Variants in ZKSCAN7 observed in about 807,000 individuals in gnomAD.
The protein encoded by ZKSCAN7 is zinc finger with KRAB and SCAN domains 7.
A neutral mutation model predicts 65.3 loss-of-function variants in ZKSCAN7; 38 were observed. The ratio of observed to expected loss-of-function variants is 0.58; its 90% CI spans 0.45 to 0.76. The LOEUF (loss-of-function observed/expected upper bound fraction) is 0.76. ZKSCAN7 is among the 30% of genes least tolerant of loss of function. ZKSCAN7 has a pLI of 0.00. For missense variants in ZKSCAN7, 815 were observed against 913.3 expected (o/e 0.89, Z 1.39); for synonymous variants, 321 against 321.0 (o/e 1.00, Z 0.00).
At chr3:44,581,467 C>G (rs1700086154) in intron 5 of ZKSCAN7, among the ~76,000 whole-genome samples, 1 of 152,194 alleles carries the variant, frequency 6.6e-6, no homozygotes, top group Admixed American at 6.5e-5. Flanking sequence ...AGATAAATCA[C>G]ACGGGTTAGA....
intron 3 of ZKSCAN7, among the ~76,000 whole-genome samples, chr3:44,566,718 G>GTAGCCTTGAAC (rs1282159751): frequency 6.6e-6 from 1 of 151,912 alleles, no homozygotes; most frequent in Non-Finnish European, 1.5e-5. Context: ...ATAGCTCACT[G>GTAGCCTTGAAC]TAGCCTTGAA....
intron 2 of ZKSCAN7, among the ~76,000 whole-genome samples, chr3:44,559,307 A>G (rs1699395503): frequency 6.6e-6 from 1 of 151,102 alleles, no homozygotes; most frequent in East Asian, 1.9e-4. Flanking sequence ...GTTCTTCCTA[A>G]TGAGTTTCAA....
intron 2 of ZKSCAN7, among the ~76,000 whole-genome samples, chr3:44,564,325 C>A (rs1699568514): frequency 6.6e-6 from 1 of 152,158 alleles, no homozygotes. Flanking sequence ...AGAAGTAGTA[C>A]ATATTGAAAA....
chr3:44,582,948 CTGAG>C (rs1700120389), intron 5 of ZKSCAN7: 13 of 416,700 alleles, frequency 3.1e-5, no homozygotes, highest in Non-Finnish European at 4.8e-5. Flanking sequence ...GTGTGTGTGA[CTGAG>C]TTTCACTCTT....
Position 44,571,958 on chromosome 3 carries a change from T to A in ZKSCAN7, c.*583T>A, listed in dbSNP as rs946165470. On this transcript the variant is annotated 3_prime_UTR_variant, in exon 6 of 6. Coordinates refer to ENST00000426540, the MANE Select transcript of ZKSCAN7 (RefSeq NM_001288590.2). Reference sequence around the variant, plus strand: ...AAGTACTTTTTTATTTTTCTTCAACTTCTCTTGATTTGACCTCAGTGCTTT... The same window carrying A: ...AAGTACTTTTTTATTTTTCTTCAACATCTCTTGATTTGACCTCAGTGCTTT... The A allele has an allele frequency of 3.6e-5, 36 of 986,594 alleles. No homozygotes were observed. The highest frequency in any genetic ancestry group is 4.1e-5 in the Non-Finnish European group (34 of 830,754). 61.1% of individuals were successfully genotyped at this position (986,594 alleles called of 1,614,324 possible).
chr3:44,567,886 A>G (rs1699680485), intron 3 of ZKSCAN7, 26 bp from the exon 4 acceptor site: 2 of 688,614 alleles, frequency 2.9e-6, no homozygotes, highest in Non-Finnish European at 5.0e-6. Context: ...GGCTTGTCCC[A>G]CTCATAGCTT....
At chr3:44,579,864 T>G in intron 5 of ZKSCAN7, 1 of 1,610,334 alleles carries the variant, frequency 6.2e-7, no homozygotes, top group South Asian at 1.1e-5. Flanking sequence ...AGCCAGCCTT[T>G]CTTGAAATTC....
chr3:44,569,420 C>A (rs1294038695), intron 5 of ZKSCAN7, among the ~76,000 whole-genome samples: 1 of 152,218 alleles, frequency 6.6e-6, no homozygotes, highest in African/African-American at 2.4e-5. Flanking sequence ...CCTTATCATA[C>A]CTCCATAATA....
chr3:44,558,253 G>A (rs1699357899), intron 2 of ZKSCAN7, among the ~76,000 whole-genome samples: 1 of 151,994 alleles, frequency 6.6e-6, no homozygotes, highest in Admixed American at 6.6e-5. Flanking sequence ...GGCTGGGCAT[G>A]GTAGCTCATG....
In ZKSCAN7 at chr3:44,571,660, A is replaced by G; in HGVS notation, c.*285A>G. Reference sequence around the variant, plus strand: ...ATTTCATTTCTTAGTTATGCATCTCATAATCAGACTCCATGCTTTTTAAAG... The same window carrying G: ...ATTTCATTTCTTAGTTATGCATCTCGTAATCAGACTCCATGCTTTTTAAAG... On this transcript the variant is annotated 3_prime_UTR_variant, in exon 6 of 6. Transcript: ENST00000426540. 8.0e-7 allele frequency: 1 copy of G among 1,252,508 alleles called. No homozygotes were observed. The highest frequency in any genetic ancestry group is 2.0e-5 in the South Asian group (1 of 49,380). The allele number at this position is 1,252,508 out of a possible 1,614,324, so 77.6% of individuals were successfully genotyped here. A position where few individuals can be genotyped will look rare whatever the true frequency, so the allele number is the denominator to read the frequency against.
chr3:44,570,736 G>T lies in ZKSCAN7; in HGVS notation c.1626G>T (p.Gln542His). The T allele has an allele frequency of 6.2e-7, 1 of 1,614,198 alleles. No individual in the cohort carries two copies. Among genetic ancestry groups the T allele is most frequent in the Non-Finnish European group, 8.5e-7 (1 of 1,180,038 alleles). The stretch of plus-strand genomic sequence containing the variant: ...CCAATAGAAATCTCATTGACCATCA[G>T]AGAATCCACACTGGGGAGAAGCCTT... ...FCSNRNLIDH[Q>H]RIHTGEKPYE... Residue 542 changes from glutamine (Q) to histidine (H), a missense_variant, in exon 6 of 6, where the codon CAG becomes CAT. Physicochemically the swap from Gln to His is conservative, Grantham distance 24. Around this residue, in one of 3 missense-constraint regions of ZKSCAN7, gnomAD observed 578 missense variants for 629.5 expected, o/e 0.92. Coordinates refer to ENST00000426540, the MANE Select transcript of ZKSCAN7 (RefSeq NM_001288590.2).
rs1699817397 is a variant in ZKSCAN7, at chr3:44,571,918, A to G, written c.*543A>G. The G allele has an allele frequency of 1.0e-6, 1 of 986,490 alleles. No individual in the cohort carries two copies. Among genetic ancestry groups the G allele is most frequent in the Admixed American group, 6.1e-5 (1 of 16,526 alleles). 61.1% of individuals were successfully genotyped at this position (986,490 alleles called of 1,614,324 possible). On this transcript the variant is annotated 3_prime_UTR_variant, in exon 6 of 6. Coordinates refer to ENST00000426540, the MANE Select transcript of ZKSCAN7 (RefSeq NM_001288590.2). The stretch of plus-strand genomic sequence containing the variant: ...TTTTTGAAATCCATCTCATCACTGA[A>G]ATACTTTCTTCTTCAAGTACTTTTT...
At position 44,571,343 on chromosome 3, in the gene ZKSCAN7, A is replaced by G; in HGVS notation, c.2233A>G (p.Lys745Glu). The G allele has an allele frequency of 6.2e-7, 1 of 1,614,222 alleles. No homozygotes were observed. The highest frequency in any genetic ancestry group is 8.5e-7 in the Non-Finnish European group (1 of 1,180,032). Residue 745 changes from lysine to glutamate, a missense_variant, in exon 6 of 6, where the codon AAG (lysine) becomes GAG (glutamate). Physicochemically the swap from Lys to Glu is moderately conservative, Grantham distance 56. Coordinates refer to ENST00000426540, the MANE Select transcript of ZKSCAN7 (RefSeq NM_001288590.2). ...NHHQRTHTGEKSSGLAWSVS is the reference protein window; with the variant it reads ...NHHQRTHTGEESSGLAWSVS ...CCACCAGCGAACTCACACTGGAGAG[A>G]AGTCCTCAGGTCTGGCTTGGTCAGT...
chr3:44,557,368 T>C lies in ZKSCAN7; in HGVS notation c.321T>C (p.Pro107=), dbSNP rs771334085. Residue 107 remains proline (P), a synonymous_variant, in exon 2 of 6, where the codon CCT becomes CCC. Transcript: ENST00000426540. ...TTGAGCAGTTCCTGAGCATCCTCCC[T>C]GGGGAGCTCCGGACCTGGGTGCAGC... ...LVLEQFLSIL[P]GELRTWVQLH... The C allele has an allele frequency of 6.2e-7, 1 of 1,614,208 alleles. No individual in the cohort carries two copies. The highest frequency in any genetic ancestry group is 1.7e-5 in the Admixed American group (1 of 60,030).
downstream of ZKSCAN7, among the ~76,000 whole-genome samples, chr3:44,576,395 A>C (rs1355896692): frequency 6.6e-6 from 1 of 152,086 alleles, no homozygotes; most frequent in Non-Finnish European, 1.5e-5. Context: ...GAACCCAAGA[A>C]TACAGGGGGC....
At chr3:44,574,994 G>A (rs562225383), downstream of ZKSCAN7, among the ~76,000 whole-genome samples, 3 of 151,616 alleles carry the variant, frequency 2.0e-5, no homozygotes, top group Non-Finnish European at 4.4e-5. Context: ...AGCAACCTAT[G>A]TTCAAATTCT....
intron 5 of ZKSCAN7, chr3:44,582,949 T>C: frequency 6.8e-6 from 3 of 441,874 alleles, no homozygotes; most frequent in East Asian, 7.7e-5. Flanking sequence ...TGTGTGTGAC[T>C]GAGTTTCACT....
intron 5 of ZKSCAN7, among the ~76,000 whole-genome samples, chr3:44,568,720 A>C (rs757259863): frequency 6.6e-6 from 1 of 152,212 alleles, no homozygotes; most frequent in Non-Finnish European, 1.5e-5. Flanking sequence ...TCATAGGCTT[A>C]AAGGAATGAG....
At position 44,571,222 on chromosome 3, in the gene ZKSCAN7, A is replaced by G. The variant is rs765018045; in HGVS notation, c.2112A>G (p.Ser704=). Residue 704 remains serine (S), a synonymous_variant, in exon 6 of 6, where the codon TCA becomes TCG. Transcript: ENST00000426540. ...GTGGGAAAGCTTTTAGTGACAGCTCACAGCTTATTGTACACCAGAGAGTCC... is the reference window on the plus strand; with the variant it reads ...GTGGGAAAGCTTTTAGTGACAGCTCGCAGCTTATTGTACACCAGAGAGTCC... ...NDCGKAFSDS[S]QLIVHQRVHT... The G allele has an allele frequency of 8.7e-6, 14 of 1,614,186 alleles. No homozygotes were observed. Among genetic ancestry groups the G allele is most frequent in the East Asian group, 2.2e-5 (1 of 44,884 alleles).
Sources: gnomAD v4.1 joint callset for allele counts (sites outside exome capture counted in the v4.1 genomes callset) on GRCh38, gnomAD v4.1.1 for gene constraint, gnomAD v4.1.1 regional missense constraint, MANE v1.5 for transcripts, NCBI Gene and HGNC (gene_info 2026-07-23, HGNC 2026-07-21) for gene names.